EGFR: variants seen among roughly 807,000 people sequenced by gnomAD.
The protein encoded by EGFR is avian erythroblastic leukemia viral (v-erb-b) oncogene homolog.
In EGFR, 58 loss-of-function variants were observed where a neutral mutation model predicts 143.0. The ratio of observed to expected loss-of-function variants is 0.41; its 90% CI spans 0.33 to 0.50. The LOEUF is 0.50. Ranked by LOEUF, EGFR falls within the 20% of genes least tolerant of loss-of-function variation. The pLI, the probability that EGFR is intolerant of heterozygous loss-of-function variation, is 0.39. For missense variants in EGFR, 1,307 were observed against 1,579.0 expected, an observed-to-expected ratio of 0.83 and a Z score of 2.92; for synonymous variants, 613 against 594.4, an observed-to-expected ratio of 1.03 and a Z score of -0.45.
At position 55,139,878 on chromosome 7, in the gene EGFR, T is replaced by C. The variant is rs527772368; in HGVS notation, c.89-2408T>C. ...TGAATTAAGATTTACATCAAGAATA[T>C]GTAATGTTGTTACTGTCTCCCAAAT... On this transcript the variant is annotated intron_variant, in intron 1 of 27. Coordinates refer to ENST00000275493, the MANE Select transcript of EGFR (RefSeq NM_005228.5). Among the ~76,000 whole-genome samples the C allele has an allele frequency of 2.3e-3, 354 of 152,234 alleles. 2 individuals carry two copies. Among genetic ancestry groups the C allele is most frequent in the Non-Finnish European group, 4.6e-3 (310 of 67,998 alleles).
At chr7:55,101,867 G>A (rs910356306) in intron 1 of EGFR, among the ~76,000 whole-genome samples, 3 of 152,156 alleles carry the variant, frequency 2.0e-5, no homozygotes, top group African/African-American at 7.2e-5. Context: ...GTTGAGCAAC[G>A]GAGGTTCAGC....
chr7:55,035,032 G>T (rs1787478308), intron 1 of EGFR, among the ~76,000 whole-genome samples: 1 of 152,184 alleles, frequency 6.6e-6, no homozygotes, highest in African/African-American at 2.4e-5. Flanking sequence ...ACACACTTGA[G>T]AGTGCCTGTT....
chr7:55,201,202 G>A lies in EGFR; in HGVS notation c.2961G>A (p.Met987Ile), dbSNP rs2128971485. The change falls in exon 25 of 28, where the codon ATG becomes ATA. Residue 987 changes from methionine (M) to isoleucine (I), a missense_variant. This residue lies in a region of EGFR where 313 missense variants were observed against 312.3 expected (regional missense o/e 1.00). Transcript: ENST00000275493. ...CTCTGCACCAGGGGGATGAAAGAAT[G>A]CATTTGCCAAGTCCTACAGACTCCA... ...RYLVIQGDER[M>I]HLPSPTDSNF... The A allele has an allele frequency of 1.2e-6, 2 of 1,614,176 alleles. No homozygotes were observed. The highest frequency in any genetic ancestry group is 1.6e-4 in the Middle Eastern group (1 of 6,062).
intron 1 of EGFR, among the ~76,000 whole-genome samples, chr7:55,044,519 C>A (rs930314308): frequency 6.6e-6 from 1 of 152,210 alleles, no homozygotes; most frequent in Admixed American, 6.5e-5. Context: ...CTGCCCAGAT[C>A]CCCAGAGCTG....
At chr7:55,186,955 C>T (rs1787165428) in intron 20 of EGFR, among the ~76,000 whole-genome samples, 1 of 152,216 alleles carries the variant, frequency 6.6e-6, no homozygotes, top group Non-Finnish European at 1.5e-5. Flanking sequence ...TGGCCCCTCA[C>T]CCTCCAGAGC....
chr7:55,155,317 C>T (rs2128936739), intron 7 of EGFR, among the ~76,000 whole-genome samples: 1 of 152,352 alleles, frequency 6.6e-6, no homozygotes, highest in African/African-American at 2.4e-5. Flanking sequence ...TGGCGCACGC[C>T]TGTAATCACA....
At chr7:55,174,971 G>T (rs1260160552) in intron 19 of EGFR, 151 bp downstream of exon 19, 12 of 700,368 alleles carry the variant, frequency 1.7e-5, no homozygotes, top group Non-Finnish European at 2.6e-5. Context: ...GCTCTAGTGG[G>T]TATAACTCCC....
intron 5 of EGFR, chr7:55,152,251 G>A (rs749971055): frequency 4.4e-5 from 25 of 562,956 alleles, no homozygotes; most frequent in Non-Finnish European, 6.7e-5. Flanking sequence ...CTTCCCAGCA[G>A]GTATTTTTGT....
In EGFR at chr7:55,209,282, G is replaced by A. The variant is rs1583669602; in HGVS notation, c.*3665G>A. On this transcript the variant is annotated 3_prime_UTR_variant, in exon 28 of 28. Transcript: ENST00000275493. The stretch of plus-strand genomic sequence containing the variant: ...AGCCCCCGTCAGAGTAGAATAAAAG[G>A]CTGGGTAGGGTAGAGATTCCCATGT... 6.6e-6 allele frequency: 1 copy of A among 152,206 alleles called. No homozygotes were observed. Among genetic ancestry groups the A allele is most frequent in the Non-Finnish European group, 1.5e-5 (1 of 68,056 alleles). The allele number at this position is 152,206 out of a possible 1,614,324, so 9.4% of individuals were successfully genotyped here. A position where few individuals can be genotyped will look rare whatever the true frequency, so the allele number is the denominator to read the frequency against.
intron 1 of EGFR, among the ~76,000 whole-genome samples, chr7:55,096,916 A>G (rs1054813238): frequency 6.6e-6 from 1 of 152,136 alleles, no homozygotes. Flanking sequence ...TGCTTGGGGA[A>G]TGCAGCTACA....
rs1438033206 is a variant in EGFR, at chr7:55,173,965, T to A, written c.2106T>A (p.Ala702=). The part of the protein sequence containing the change: ...LTPSGEAPNQ[A]LLRILKETEF... ...CCAGTGGAGAAGCTCCCAACCAAGC[T>A]CTCTTGAGGATCTTGAAGGAAACTG... The change falls in exon 18 of 28, where the codon GCT becomes GCA. Residue 702 remains alanine (A), a synonymous_variant. Coordinates refer to ENST00000275493, the MANE Select transcript of EGFR (RefSeq NM_005228.5). 1 of 1,614,152 alleles carries A rather than the reference T, an allele frequency of 6.2e-7. No individual in the cohort carries two copies. Among genetic ancestry groups the A allele is most frequent in the Non-Finnish European group, 8.5e-7 (1 of 1,180,040 alleles).
intron 1 of EGFR, among the ~76,000 whole-genome samples, chr7:55,089,153 CTTTTT>C (rs1021302440): frequency 6.6e-6 from 1 of 151,870 alleles, no homozygotes; most frequent in Non-Finnish European, 1.5e-5. Flanking sequence ...TTGCCTCTTG[CTTTTT>C]TTTAACTTAA....
chr7:55,077,328 C>CA, intron 1 of EGFR, among the ~76,000 whole-genome samples: 1 of 152,110 alleles, frequency 6.6e-6, no homozygotes, highest in Admixed American at 6.5e-5. Flanking sequence ...AAAATTTCAG[C>CA]AAAAAATATC....
intron 8 of EGFR, 140 bp from the exon 9 acceptor site, chr7:55,156,393 T>C: frequency 1.6e-6 from 2 of 1,234,672 alleles, no homozygotes; most frequent in East Asian, 2.3e-5. Context: ...CCTTCAGTGT[T>C]TGTTGAGTGA....
chr7:55,098,279 T>C (rs1791596648), intron 1 of EGFR, among the ~76,000 whole-genome samples: 2 of 152,154 alleles, frequency 1.3e-5, no homozygotes, highest in Admixed American at 1.3e-4. Context: ...TTTGCAGCCT[T>C]CGGCAGCCAG....
In EGFR at chr7:55,206,583, A is replaced by G. The variant is rs755487141; in HGVS notation, c.*966A>G. 2.1e-4 allele frequency: 48 copies of G among 233,330 alleles called. No homozygotes were observed. The highest frequency in any genetic ancestry group is 3.3e-4 in the Non-Finnish European group (39 of 118,072). 14.5% of individuals were successfully genotyped at this position (233,330 alleles called of 1,614,324 possible). A position where few individuals can be genotyped will look rare whatever the true frequency, so the allele number is the denominator to read the frequency against. On this transcript the variant is annotated 3_prime_UTR_variant, in exon 28 of 28. Coordinates refer to ENST00000275493, the MANE Select transcript of EGFR (RefSeq NM_005228.5). ...CTAATTTGAGGCTCAGATGAAATGC[A>G]TCAGGTCCTTTGGGGCATAGATCAG...
chr7:55,142,142 A>G (rs1794491944), intron 1 of EGFR, 144 bp from the exon 2 acceptor site: 3 of 944,438 alleles, frequency 3.2e-6, no homozygotes, highest in Admixed American at 4.2e-5. Flanking sequence ...TTGCGCCCAG[A>G]TGACCTGGGC....
At chr7:55,027,991 A>AAAAATAT (rs1554311534) in intron 1 of EGFR, among the ~76,000 whole-genome samples, 33 of 54,984 alleles carry the variant, frequency 6.0e-4, no homozygotes, top group Non-Finnish European at 1.0e-3. Flanking sequence ...AAAAAAAAAA[A>AAAAATAT]ATATATATAT....
intron 20 of EGFR, among the ~76,000 whole-genome samples, chr7:55,187,795 G>T (rs1186431204): frequency 6.6e-6 from 1 of 152,164 alleles, no homozygotes. Flanking sequence ...ACCTCTACCA[G>T]TTGCAGGTGG....
Sources: allele counts gnomAD v4.1 joint callset (sites outside exome capture counted in the v4.1 genomes callset), GRCh38; gene constraint gnomAD v4.1.1; regional missense constraint gnomAD v4.1.1; transcripts MANE v1.5; gene names NCBI Gene and HGNC (gene_info 2026-07-23, HGNC 2026-07-21).